PDGFC: variants seen among roughly 807,000 people sequenced by gnomAD.
The protein encoded by PDGFC is platelet derived growth factor C.
Under a neutral mutation model 35.5 loss-of-function variants are expected in PDGFC, and 12 were observed. The ratio of observed to expected loss-of-function variants is 0.34; its 90% confidence interval spans 0.22 to 0.55. The LOEUF (loss-of-function observed/expected upper bound fraction) is 0.55, where lower values mean the gene tolerates loss of function less well. Among genes scored for constraint, PDGFC ranks in the 20% least tolerant of loss-of-function variants. PDGFC has a pLI of 0.91. For synonymous variants in PDGFC, 159 were observed against 148.8 expected (o/e 1.07, Z -0.50); for missense variants, 322 against 412.4 (o/e 0.78, Z 1.90).
At chr4:156,941,922 A>C (rs574372568) in intron 1 of PDGFC, among the ~76,000 whole-genome samples, 1 of 152,278 alleles carries the variant, frequency 6.6e-6, no homozygotes, top group Admixed American at 6.5e-5. Context: ...AAAATAAAAT[A>C]AAAGAACTTT....
intron 1 of PDGFC, among the ~76,000 whole-genome samples, chr4:156,943,374 G>A (rs1257192841): frequency 6.6e-6 from 1 of 152,040 alleles, no homozygotes; most frequent in African/African-American, 2.4e-5. Context: ...GCTAGTAAAA[G>A]TGTGGTGCAC....
intron 1 of PDGFC, among the ~76,000 whole-genome samples, chr4:156,935,648 G>T (rs1368548688): frequency 1.3e-5 from 2 of 152,124 alleles, no homozygotes; most frequent in Non-Finnish European, 2.9e-5. Context: ...TATTAAATAA[G>T]ATGTCTTTAT....
At chr4:156,934,545 A>G (rs1468390603) in intron 1 of PDGFC, among the ~76,000 whole-genome samples, 4 of 152,142 alleles carry the variant, frequency 2.6e-5, no homozygotes, top group African/African-American at 9.7e-5. Context: ...CACTAAATAT[A>G]TTTGTTAAAT....
intron 2 of PDGFC, among the ~76,000 whole-genome samples, chr4:156,833,663 C>T (rs1728996945): frequency 6.6e-6 from 1 of 152,132 alleles, no homozygotes; most frequent in Non-Finnish European, 1.5e-5. Flanking sequence ...AATAATTTAA[C>T]AGCTAATAGA....
chr4:156,851,422 C>T lies in PDGFC; in HGVS notation c.119-1006G>A, dbSNP rs114402287. Among the ~76,000 whole-genome samples, 482 of 152,234 alleles carry T rather than the reference C, an allele frequency of 3.2e-3. 4 individuals carry two copies. The highest frequency in any genetic ancestry group is 0.011 in the African/African-American group (467 of 41,540). On this transcript the variant is annotated intron_variant, in intron 1 of 5. Transcript: ENST00000502773. Reference sequence around the variant, plus strand: ...GGTACCTTTTCACATTTATGAAATGCTAAAATATACTGTTAATAATATCTC... The same window carrying T: ...GGTACCTTTTCACATTTATGAAATGTTAAAATATACTGTTAATAATATCTC...
chr4:156,903,539 T>G, intron 1 of PDGFC, among the ~76,000 whole-genome samples: 1 of 152,028 alleles, frequency 6.6e-6, no homozygotes, highest in East Asian at 1.9e-4. Flanking sequence ...GAAAGAATGA[T>G]TTAAAATTTA....
At chr4:156,806,507 A>T (rs912159693) in intron 3 of PDGFC, among the ~76,000 whole-genome samples, 1 of 152,080 alleles carries the variant, frequency 6.6e-6, no homozygotes, top group Non-Finnish European at 1.5e-5. Flanking sequence ...ACCAAATTGG[A>T]GGGAGAATAA....
At chr4:156,778,929 A>C (rs182165650) in intron 3 of PDGFC, among the ~76,000 whole-genome samples, 2 of 152,366 alleles carry the variant, frequency 1.3e-5, no homozygotes, top group East Asian at 3.8e-4. Context: ...AATGCAGATT[A>C]GGTTTTATTG....
At position 156,767,149 on chromosome 4, in the gene PDGFC, G is replaced by C. The variant is rs556673699; in HGVS notation, c.921+624C>G. Among the ~76,000 whole-genome samples, 388 of 151,940 alleles carry C rather than the reference G, an allele frequency of 2.6e-3. 5 individuals carry two copies. The highest frequency in any genetic ancestry group is 8.9e-3 in the African/African-American group (371 of 41,494). On this transcript the variant is annotated intron_variant, in intron 5 of 5. Transcript: ENST00000502773. ...TTTAATTGGGAGACTCCATCACTAA[G>C]AAAAACATTAAGTGTACAAGTTCTA...
chr4:156,796,976 G>A (rs901171217), intron 3 of PDGFC, among the ~76,000 whole-genome samples: 6 of 152,050 alleles, frequency 3.9e-5, no homozygotes, highest in Admixed American at 2.0e-4. Context: ...GGTGGCTCAC[G>A]CCTGTAATCC....
At chr4:156,765,109 C>T (rs1401538877) in intron 5 of PDGFC, among the ~76,000 whole-genome samples, 1 of 152,142 alleles carries the variant, frequency 6.6e-6, no homozygotes, top group Non-Finnish European at 1.5e-5. Flanking sequence ...TTACAAATAG[C>T]AGAAGAATCT....
chr4:156,880,137 G>A (rs1185689467), intron 1 of PDGFC, among the ~76,000 whole-genome samples: 1 of 152,124 alleles, frequency 6.6e-6, no homozygotes, highest in Non-Finnish European at 1.5e-5. Context: ...ACGGATCGTC[G>A]ATGTAGGTGA....
At chr4:156,825,143 A>C (rs1025320959) in intron 2 of PDGFC, among the ~76,000 whole-genome samples, 26 of 152,176 alleles carry the variant, frequency 1.7e-4, no homozygotes, top group African/African-American at 6.3e-4. Flanking sequence ...CAGTCGAGGT[A>C]GGCAGATGCA....
chr4:156,920,473 G>C (rs1457275819), intron 1 of PDGFC, among the ~76,000 whole-genome samples: 1 of 152,028 alleles, frequency 6.6e-6, no homozygotes, highest in Non-Finnish European at 1.5e-5. Flanking sequence ...CTCCAAAGTC[G>C]ATCCTCTCTC....
At chr4:156,802,183 G>T (rs1320983428) in intron 3 of PDGFC, among the ~76,000 whole-genome samples, 2 of 152,036 alleles carry the variant, frequency 1.3e-5, no homozygotes, top group Non-Finnish European at 2.9e-5. Context: ...TTTCTTCTGG[G>T]TATATCGTTA....
At position 156,771,250 on chromosome 4, in the gene PDGFC, G is replaced by T. The variant is rs377039305; in HGVS notation, c.703+1436C>A. Among the ~76,000 whole-genome samples the T allele has an allele frequency of 2.0e-5, 3 of 152,252 alleles. 1 individual carries two copies. Among genetic ancestry groups the T allele is most frequent in the East Asian group, 3.9e-4 (2 of 5,182 alleles). ...GCATAAAGCCTTGGCTAGAAGGGAG[G>T]TTTTTAGGCTCAAATCCAGAAATCA... On this transcript the variant is annotated intron_variant, in intron 4 of 5. Transcript: ENST00000502773.
chr4:156,872,908 T>A (rs139137198), intron 1 of PDGFC, among the ~76,000 whole-genome samples: 3,022 of 152,166 alleles, frequency 0.02, 113 homozygotes, highest in African/African-American at 0.069. Context: ...GGTGGGAGAA[T>A]CACTTGAGCC....
At chr4:156,909,711 T>A (rs181194998) in intron 1 of PDGFC, among the ~76,000 whole-genome samples, 1 of 152,368 alleles carries the variant, frequency 6.6e-6, no homozygotes, top group East Asian at 1.9e-4. Context: ...TTTCTTTTAC[T>A]GTGTCCTTGA....
chr4:156,921,111 C>T (rs1731267413), intron 1 of PDGFC, among the ~76,000 whole-genome samples: 2 of 152,166 alleles, frequency 1.3e-5, no homozygotes, highest in African/African-American at 4.8e-5. Context: ...GATTCCTAAG[C>T]AATTTTAAGT....
Sources: gnomAD v4.1 joint callset for allele counts (sites outside exome capture counted in the v4.1 genomes callset) on GRCh38, gnomAD v4.1.1 for gene constraint, MANE v1.5 for transcripts, NCBI Gene and HGNC (gene_info 2026-07-23, HGNC 2026-07-21) for gene names.